The following SLC39A11 variants were observed in gnomAD, a reference collection of about 807,000 sequenced individuals.
SLC39A11 encodes the protein zinc transporter ZIP11.
Under a neutral mutation model 36.1 loss-of-function variants are expected in SLC39A11, and 33 were observed. The ratio of observed to expected loss-of-function variants is 0.91; its 90% CI spans 0.69 to 1.22. SLC39A11 has a LOEUF of 1.22. Ranked by LOEUF, SLC39A11 falls within the 50% of genes most tolerant of loss-of-function variation. The probability of loss-of-function intolerance (pLI) is 0.00; values close to 1 mark genes in which losing one functional copy is unlikely to be tolerated. For synonymous variants in SLC39A11, 166 were observed against 170.3 expected (o/e 0.97, Z 0.20); for missense variants, 432 against 430.3 (o/e 1.00, Z -0.03).
chr17:73,010,124 T>A (rs543067616), intron 4 of SLC39A11, among the ~76,000 whole-genome samples: 29 of 152,072 alleles, frequency 1.9e-4, no homozygotes, highest in Middle Eastern at 3.4e-3. Flanking sequence ...AGCATCTAAG[T>A]CCCCTGGAGA....
intron 4 of SLC39A11, among the ~76,000 whole-genome samples, chr17:72,988,658 G>C (rs941106801): frequency 6.6e-6 from 1 of 151,734 alleles, no homozygotes; most frequent in Non-Finnish European, 1.5e-5. Context: ...CTTGGCAACC[G>C]CAGTTCTACT....
At chr17:72,944,290 TC>T (rs1344755203) in intron 5 of SLC39A11, among the ~76,000 whole-genome samples, 1 of 152,016 alleles carries the variant, frequency 6.6e-6, no homozygotes, top group Non-Finnish European at 1.5e-5. Context: ...TTCAACTTCC[TC>T]CCCCAGAACA....
At chr17:72,768,087 A>T (rs73995786) in intron 6 of SLC39A11, among the ~76,000 whole-genome samples, 2,648 of 152,296 alleles carry the variant, frequency 0.017, 74 homozygotes, top group African/African-American at 0.059. Flanking sequence ...TGGGGGCCAC[A>T]GGAGCTATCA....
At chr17:73,079,124 C>G (rs1192631170) in intron 3 of SLC39A11, among the ~76,000 whole-genome samples, 1 of 152,090 alleles carries the variant, frequency 6.6e-6, no homozygotes, top group Non-Finnish European at 1.5e-5. Context: ...GATGAAGTCT[C>G]ACTCTATTGC....
At chr17:73,078,807 A>G (rs1467523664) in intron 3 of SLC39A11, among the ~76,000 whole-genome samples, 1 of 151,978 alleles carries the variant, frequency 6.6e-6, no homozygotes, top group Non-Finnish European at 1.5e-5. Context: ...CTATCTCATC[A>G]GTCTTTTAAG....
chr17:72,960,571 C>A (rs1415442788), intron 4 of SLC39A11, among the ~76,000 whole-genome samples: 1 of 152,112 alleles, frequency 6.6e-6, no homozygotes, highest in Non-Finnish European at 1.5e-5. Context: ...GCAGGAGAAT[C>A]CCTTGACCCC....
At chr17:72,844,633 C>A (rs1397073185) in intron 6 of SLC39A11, among the ~76,000 whole-genome samples, 1 of 152,162 alleles carries the variant, frequency 6.6e-6, no homozygotes, top group Non-Finnish European at 1.5e-5. Context: ...TGCGCCACTG[C>A]ACTCCAGCCT....
Position 72,767,466 on chromosome 17 carries a change from A to G in SLC39A11, c.602-30747T>C, listed in dbSNP as rs1013650575. Reference sequence around the variant, plus strand: ...AGCAGTGCCTGCCCTTTGGGAGCCCATTTTCTTGTAGGGGAGACAGAGCAG... The same window carrying G: ...AGCAGTGCCTGCCCTTTGGGAGCCCGTTTTCTTGTAGGGGAGACAGAGCAG... On this transcript the variant is annotated intron_variant, in intron 6 of 9. Coordinates refer to ENST00000255559, the MANE Select transcript of SLC39A11 (RefSeq NM_139177.4). 7.2e-5 allele frequency among the ~76,000 whole-genome samples: 11 copies of G among 152,312 alleles called. No homozygotes were observed. The East Asian group carries it at 2.1e-3, about 29-fold the overall frequency.
At chr17:72,820,943 T>C (rs1233763861) in intron 6 of SLC39A11, among the ~76,000 whole-genome samples, 1 of 150,374 alleles carries the variant, frequency 6.7e-6, no homozygotes, top group East Asian at 1.9e-4. Context: ...CCTTGGAATG[T>C]CTGCCGTATT....
chr17:72,889,536 C>CA (rs10536927), intron 5 of SLC39A11, among the ~76,000 whole-genome samples: 127 of 140,862 alleles, frequency 9.0e-4, no homozygotes, highest in Middle Eastern at 3.8e-3. Flanking sequence ...GACTCCATCT[C>CA]AAAAAAAAAA....
At chr17:72,895,812 G>A (rs1341873750) in intron 5 of SLC39A11, among the ~76,000 whole-genome samples, 1 of 152,090 alleles carries the variant, frequency 6.6e-6, no homozygotes, top group African/African-American at 2.4e-5. Flanking sequence ...AGTTGAGAAT[G>A]TTCAATAAAC....
At chr17:73,053,270 A>G (rs1338577032) in intron 3 of SLC39A11, among the ~76,000 whole-genome samples, 1 of 152,070 alleles carries the variant, frequency 6.6e-6, no homozygotes, top group African/African-American at 2.4e-5. Flanking sequence ...ATATGAAGAA[A>G]AAACGATAGA....
chr17:72,913,632 A>C (rs1410821511), intron 5 of SLC39A11, among the ~76,000 whole-genome samples: 1 of 152,158 alleles, frequency 6.6e-6, no homozygotes, highest in African/African-American at 2.4e-5. Flanking sequence ...AGAGCACAGC[A>C]AGTGTATGTT....
intron 5 of SLC39A11, among the ~76,000 whole-genome samples, chr17:72,917,510 C>A (rs561666091): frequency 6.6e-5 from 10 of 152,244 alleles, no homozygotes; most frequent in African/African-American, 2.4e-4. Context: ...CTCAACAGAG[C>A]AGCTAACAGG....
chr17:72,891,701 T>C (rs1023781948), intron 5 of SLC39A11, among the ~76,000 whole-genome samples: 2 of 152,056 alleles, frequency 1.3e-5, no homozygotes, highest in African/African-American at 4.8e-5. Context: ...CACATATAGA[T>C]ATAGATATAT....
intron 6 of SLC39A11, among the ~76,000 whole-genome samples, chr17:72,782,371 C>A (rs2144894001): frequency 6.6e-6 from 1 of 152,256 alleles, no homozygotes; most frequent in East Asian, 1.9e-4. Flanking sequence ...TGAGACAATG[C>A]ATCTCTGTTG....
chr17:72,897,051 T>A (rs1345754721), intron 5 of SLC39A11, among the ~76,000 whole-genome samples: 2 of 17,582 alleles, frequency 1.1e-4, no homozygotes, highest in African/African-American at 1.9e-3. Flanking sequence ...AGACTCTGTC[T>A]CAAAAAAAAA....
At chr17:72,925,810 C>T (rs2084017003) in intron 5 of SLC39A11, among the ~76,000 whole-genome samples, 1 of 152,202 alleles carries the variant, frequency 6.6e-6, no homozygotes, top group Non-Finnish European at 1.5e-5. Context: ...TGCACATGGC[C>T]ACAGGGGCTG....
At chr17:73,049,949 C>T (rs532328604) in intron 3 of SLC39A11, among the ~76,000 whole-genome samples, 1 of 152,220 alleles carries the variant, frequency 6.6e-6, no homozygotes. Context: ...ATGGTGAAAC[C>T]CCATCCCTAC....
Sources: gnomAD v4.1 joint callset for allele counts (sites outside exome capture counted in the v4.1 genomes callset) on GRCh38, gnomAD v4.1.1 for gene constraint, MANE v1.5 for transcripts, NCBI Gene and HGNC (gene_info 2026-07-23, HGNC 2026-07-21) for gene names.